The following RNF138 variants were observed in gnomAD, a reference collection of about 807,000 sequenced individuals.
The protein encoded by RNF138 is ring finger protein 138.
In RNF138, 12 loss-of-function variants were observed where a neutral mutation model predicts 31.0. That is an observed-to-expected ratio of 0.39 (90% CI 0.25 to 0.63). The LOEUF (loss-of-function observed/expected upper bound fraction) is 0.63, where lower values mean the gene tolerates loss of function less well. Ranked by LOEUF, RNF138 falls within the 20% of genes least tolerant of loss-of-function variation. The probability of loss-of-function intolerance (pLI) is 0.52; values close to 1 mark genes in which losing one functional copy is unlikely to be tolerated. For missense variants in RNF138, 192 were observed against 300.1 expected (o/e 0.64, Z 2.66); for synonymous variants, 105 against 99.5 (o/e 1.06, Z -0.33).
intron 2 of RNF138, among the ~76,000 whole-genome samples, chr18:32,102,767 G>C (rs1181591471): frequency 3.3e-5 from 5 of 151,700 alleles, no homozygotes; most frequent in African/African-American, 1.2e-4. Flanking sequence ...TGAGTAGCTG[G>C]GATTACAGGT....
chr18:32,095,880 A>G (rs1217287032), intron 2 of RNF138, among the ~76,000 whole-genome samples: 1 of 152,200 alleles, frequency 6.6e-6, no homozygotes, highest in Non-Finnish European at 1.5e-5. Context: ...AGTGTGATTG[A>G]TATAGAAGAG....
chr18:32,121,744 T>C (rs775567400), intron 4 of RNF138, among the ~76,000 whole-genome samples: 1 of 152,224 alleles, frequency 6.6e-6, no homozygotes, highest in Non-Finnish European at 1.5e-5. Context: ...ACATGCTGTT[T>C]TTGGTAACAA....
intron 3 of RNF138, 36 bp from the exon 4 acceptor site, chr18:32,113,709 A>G (rs1300008135): frequency 6.2e-6 from 6 of 973,390 alleles, no homozygotes; most frequent in South Asian, 1.7e-5. Flanking sequence ...TACGAGTTCT[A>G]TTTTAAATTA....
chr18:32,108,763 G>C (rs917127499), intron 2 of RNF138, among the ~76,000 whole-genome samples: 4 of 152,120 alleles, frequency 2.6e-5, no homozygotes, highest in Non-Finnish European at 5.9e-5. Flanking sequence ...TGACCCCCTG[G>C]ACTCAAGCAA....
At chr18:32,121,863 A>AT (rs1485214947) in intron 4 of RNF138, among the ~76,000 whole-genome samples, 1 of 152,040 alleles carries the variant, frequency 6.6e-6, no homozygotes, top group African/African-American at 2.4e-5. Flanking sequence ...ATAGTCTTCT[A>AT]TTTAGGTTAT....
rs74893619 is a variant in RNF138 at position 32,128,957 on chromosome 18, G to C, written c.670-162G>C. On this transcript the variant is annotated intron_variant, in intron 7 of 7. Coordinates refer to ENST00000261593, the MANE Select transcript of RNF138 (RefSeq NM_016271.5). ...ATTAAAGTTCAGGTATTCAAATCTT[G>C]TATCTTAAAAGATACTGTTATATAT... Among the ~76,000 whole-genome samples, 132 of 152,222 alleles carry C rather than the reference G, an allele frequency of 8.7e-4. No homozygotes were observed. The East Asian group carries it at 0.024, about 28-fold the overall frequency.
chr18:32,111,684 T>C, intron 2 of RNF138, 70 bp from the exon 3 acceptor site: 1 of 1,206,154 alleles, frequency 8.3e-7, no homozygotes, highest in Non-Finnish European at 1.2e-6. Flanking sequence ...TAATCACTTG[T>C]TTGTATTTAA....
At chr18:32,110,103 A>G (rs1354118692) in intron 2 of RNF138, among the ~76,000 whole-genome samples, 1 of 152,142 alleles carries the variant, frequency 6.6e-6, no homozygotes, top group Non-Finnish European at 1.5e-5. Flanking sequence ...CCTTCGCCTC[A>G]GCCTCCTGAG....
intron 6 of RNF138, chr18:32,125,202 T>C: frequency 5.9e-6 from 1 of 170,816 alleles, no homozygotes; most frequent in East Asian, 1.5e-4. Context: ...TCTAGTCAGG[T>C]AGATTGCTGT....
chr18:32,117,418 G>A (rs554282697), intron 4 of RNF138, among the ~76,000 whole-genome samples: 26 of 152,006 alleles, frequency 1.7e-4, no homozygotes, highest in Non-Finnish European at 3.4e-4. Context: ...GGAGAGAGGA[G>A]GAAATAGATA....
intron 2 of RNF138, among the ~76,000 whole-genome samples, chr18:32,111,474 T>G (rs927302202): frequency 6.6e-6 from 1 of 152,228 alleles, no homozygotes; most frequent in Non-Finnish European, 1.5e-5. Flanking sequence ...CTAGTAATAT[T>G]ATTAATATGT....
At chr18:32,120,218 C>T (rs1291088444) in intron 4 of RNF138, among the ~76,000 whole-genome samples, 1 of 152,052 alleles carries the variant, frequency 6.6e-6, no homozygotes, top group Non-Finnish European at 1.5e-5. Context: ...AGTTTATCTG[C>T]CCCATGTCAG....
rs2040476091 is a variant in RNF138, at chr18:32,131,371, G to GAA, written c.*2187_*2188dup. On this transcript the variant is annotated 3_prime_UTR_variant, in exon 8 of 8. Coordinates refer to ENST00000261593, the MANE Select transcript of RNF138 (RefSeq NM_016271.5). ...GATTTATGGAAATTAAATTTATGGGGAAAAGTTTATTTTTAATATTACTTA... is the reference window on the plus strand; with the variant it reads ...GATTTATGGAAATTAAATTTATGGGGAAAAAAGTTTATTTTTAATATTACTTA... 1.2e-5 allele frequency: 1 copy of GAA among 83,788 alleles called. No individual in the cohort carries two copies. Among genetic ancestry groups the GAA allele is most frequent in the Admixed American group, 1.5e-4 (1 of 6,614 alleles). The allele number at this position is 83,788 out of a possible 1,614,324, so 5.2% of individuals were successfully genotyped here.
intron 2 of RNF138, among the ~76,000 whole-genome samples, chr18:32,096,191 A>G (rs1352324002): frequency 6.6e-6 from 1 of 152,262 alleles, no homozygotes; most frequent in African/African-American, 2.4e-5. Flanking sequence ...TAGACCTAGT[A>G]AATAATTTTT....
At chr18:32,102,702 G>A (rs1042757855) in intron 2 of RNF138, among the ~76,000 whole-genome samples, 3 of 150,316 alleles carry the variant, frequency 2.0e-5, no homozygotes, top group Admixed American at 6.6e-5. Flanking sequence ...GCACTATCTC[G>A]GCTCACTGAA....
chr18:32,102,932 A>G (rs1050419324), intron 2 of RNF138, among the ~76,000 whole-genome samples: 3 of 152,098 alleles, frequency 2.0e-5, no homozygotes, highest in Non-Finnish European at 4.4e-5. Context: ...TGCCTGGCCA[A>G]TTTGGGATTT....
At chr18:32,099,768 A>G (rs1568225497) in intron 2 of RNF138, among the ~76,000 whole-genome samples, 1 of 152,192 alleles carries the variant, frequency 6.6e-6, no homozygotes, top group Admixed American at 6.5e-5. Context: ...TAATTTGACC[A>G]ATGTCAGTTT....
At chr18:32,111,993 G>T in intron 3 of RNF138, 74 bp downstream of exon 3, 3 of 1,253,550 alleles carry the variant, frequency 2.4e-6, no homozygotes, top group Non-Finnish European at 3.2e-6. Context: ...AATTTTCTTG[G>T]TTGGTGTTTT....
intron 2 of RNF138, among the ~76,000 whole-genome samples, chr18:32,110,320 G>A (rs1380616263): frequency 2.6e-5 from 4 of 152,114 alleles, no homozygotes; most frequent in South Asian, 2.1e-4. Context: ...GTGTTAATTG[G>A]TAATGACTTC....
Sources: allele counts gnomAD v4.1 joint callset (sites outside exome capture counted in the v4.1 genomes callset), GRCh38; gene constraint gnomAD v4.1.1; transcripts MANE v1.5; gene names NCBI Gene and HGNC (gene_info 2026-07-23, HGNC 2026-07-21).